The following UNC79 variants were observed in gnomAD, a reference collection of about 807,000 sequenced individuals.
UNC79 encodes unc-79 subunit of NALCN channel complex, also known as protein unc-79 homolog.
UNC79 carries 37 observed loss-of-function variants against 283.1 expected under a neutral mutation model. The observed-to-expected ratio is 0.13, with a 90% CI of 0.10 to 0.17. The LOEUF (loss-of-function observed/expected upper bound fraction) is 0.17, where lower values mean the gene tolerates loss of function less well. UNC79 is among the 10% of genes least tolerant of loss of function. The pLI, the probability that UNC79 is intolerant of heterozygous loss-of-function variation, is 1.00. For missense variants in UNC79, 2,272 were observed against 3,211.1 expected (o/e 0.71, Z 7.07); for synonymous variants, 1,107 against 1,200.2 (o/e 0.92, Z 1.61).
intron 35 of UNC79, among the ~76,000 whole-genome samples, chr14:93,652,878 G>T (rs2070440962): frequency 6.6e-6 from 1 of 151,918 alleles, no homozygotes; most frequent in East Asian, 1.9e-4. Flanking sequence ...GGGCTATGCT[G>T]CCTGCATCAA....
intron 9 of UNC79, 149 bp downstream of exon 9, chr14:93,528,795 G>A: frequency 1.3e-6 from 1 of 748,572 alleles, no homozygotes; most frequent in Non-Finnish European, 2.1e-6. Context: ...TTAACATATA[G>A]CAAACTTTCA....
intron 1 of UNC79, among the ~76,000 whole-genome samples, chr14:93,467,052 G>A (rs537362137): frequency 6.6e-6 from 1 of 152,200 alleles, no homozygotes; most frequent in Admixed American, 6.5e-5. Context: ...TTTTATTAGT[G>A]CACAATCATT....
At chr14:93,506,697 G>A (rs2059560958) in intron 7 of UNC79, among the ~76,000 whole-genome samples, 1 of 152,058 alleles carries the variant, frequency 6.6e-6, no homozygotes, top group Non-Finnish European at 1.5e-5. Flanking sequence ...GTGGCTTGAT[G>A]TATTTTGTCA....
intron 14 of UNC79, among the ~76,000 whole-genome samples, chr14:93,543,531 T>C (rs1443692365): frequency 6.6e-6 from 1 of 152,018 alleles, no homozygotes; most frequent in Non-Finnish European, 1.5e-5. Flanking sequence ...ATCCATCTAA[T>C]TAAAAAAATT....
chr14:93,672,207 A>C (rs549109173), intron 40 of UNC79, among the ~76,000 whole-genome samples: 143 of 152,356 alleles, frequency 9.4e-4, no homozygotes, highest in African/African-American at 3.4e-3. Flanking sequence ...AAAAGAAATC[A>C]GTATATCAAA....
chr14:93,594,994 T>C (rs1175657066), intron 23 of UNC79, among the ~76,000 whole-genome samples: 1 of 152,114 alleles, frequency 6.6e-6, no homozygotes, highest in African/African-American at 2.4e-5. Context: ...TTAGTATATA[T>C]ATATGACAGC....
chr14:93,680,019 AC>A (rs1566913047), intron 41 of UNC79, among the ~76,000 whole-genome samples: 1 of 152,240 alleles, frequency 6.6e-6, no homozygotes, highest in African/African-American at 2.4e-5. Context: ...ATGCTGGATG[AC>A]AATGCATGGA....
chr14:93,448,562 C>A (rs188048377), intron 1 of UNC79, among the ~76,000 whole-genome samples: 1 of 152,074 alleles, frequency 6.6e-6, no homozygotes, highest in Non-Finnish European at 1.5e-5. Flanking sequence ...CTTGGTTCTT[C>A]TTATGTTGGG....
At chr14:93,608,787 T>G (rs1196290676) in intron 26 of UNC79, among the ~76,000 whole-genome samples, 1 of 152,234 alleles carries the variant, frequency 6.6e-6, no homozygotes, top group Non-Finnish European at 1.5e-5. Flanking sequence ...CTTTGGGACT[T>G]TATCAATTTT....
At chr14:93,649,798 T>C (rs959113119) in intron 35 of UNC79, among the ~76,000 whole-genome samples, 1 of 152,232 alleles carries the variant, frequency 6.6e-6, no homozygotes. Flanking sequence ...ATACTCACCA[T>C]ATTGTACATT....
intron 23 of UNC79, among the ~76,000 whole-genome samples, chr14:93,595,503 G>C (rs1281463781): frequency 6.6e-6 from 1 of 152,222 alleles, no homozygotes; most frequent in African/African-American, 2.4e-5. Context: ...GCAACTGCAG[G>C]CAGCCTCATT....
At chr14:93,486,515 G>A (rs953769429) in intron 4 of UNC79, among the ~76,000 whole-genome samples, 3 of 152,096 alleles carry the variant, frequency 2.0e-5, no homozygotes, top group South Asian at 2.1e-4. Context: ...TTAGCCGGGT[G>A]TGGGGGCAGG....
At chr14:93,647,774 C>T (rs1355629527) in intron 35 of UNC79, among the ~76,000 whole-genome samples, 1 of 152,108 alleles carries the variant, frequency 6.6e-6, no homozygotes, top group Non-Finnish European at 1.5e-5. Flanking sequence ...AATGACATGC[C>T]TAAGACTGGG....
intron 40 of UNC79, among the ~76,000 whole-genome samples, chr14:93,670,913 A>T (rs1346108940): frequency 6.6e-6 from 1 of 152,242 alleles, no homozygotes; most frequent in Non-Finnish European, 1.5e-5. Context: ...ATCAAAGACC[A>T]AATATATATT....
Position 93,467,664 on chromosome 14 carries a change from T to TTTTTTTTTTTTTTTTTTTTTTAAA in UNC79, c.23-7_23-6insTTTTTTTTTTTTTTTTTTTTTAAA. On this transcript the variant is annotated splice_region_variant and splice_polypyrimidine_tract_variant and intron_variant, in intron 1 of 48. Transcript: ENST00000555664. The stretch of plus-strand genomic sequence containing the variant: ...TTTTTTTTTTTTTTTTTTTTGCTTT[T>TTTTTTTTTTTTTTTTTTTTTTAAA]ATCTAGTTGCTTCCAAGATCCGGTA... 1 of 1,224,142 alleles carries TTTTTTTTTTTTTTTTTTTTTTAAA rather than the reference T, an allele frequency of 8.2e-7. No individual in the cohort carries two copies. Among genetic ancestry groups the TTTTTTTTTTTTTTTTTTTTTTAAA allele is most frequent in the Non-Finnish European group, 1.0e-6 (1 of 979,754 alleles). The allele number at this position is 1,224,142 out of a possible 1,614,324, so 75.8% of individuals were successfully genotyped here. A position where few individuals can be genotyped will look rare whatever the true frequency, so the allele number is the denominator to read the frequency against.
intron 1 of UNC79, among the ~76,000 whole-genome samples, chr14:93,344,092 T>A (rs1364101767): frequency 6.6e-6 from 1 of 152,166 alleles, no homozygotes; most frequent in Non-Finnish European, 1.5e-5. Flanking sequence ...CTGTCGAAAG[T>A]GTTTTAAGGC....
rs141532673 is a variant in UNC79 at position 93,660,065 on chromosome 14, C to A, written c.6525+804C>A. On this transcript the variant is annotated intron_variant, in intron 39 of 48. Coordinates refer to ENST00000555664, the Ensembl canonical transcript of UNC79. Reference sequence around the variant, plus strand: ...AAGAAGTTCTGCACCGTGTCTCATTCACTTTTGTATTCCAAGCTGTATTTC... The same window carrying A: ...AAGAAGTTCTGCACCGTGTCTCATTAACTTTTGTATTCCAAGCTGTATTTC... 5.3e-5 allele frequency among the ~76,000 whole-genome samples: 8 copies of A among 152,318 alleles called. No homozygotes were observed. In the East Asian group the frequency reaches 1.3e-3, roughly 26 times the overall value.
At chr14:93,511,301 T>A (rs2059812761) in intron 7 of UNC79, among the ~76,000 whole-genome samples, 1 of 152,202 alleles carries the variant, frequency 6.6e-6, no homozygotes, top group African/African-American at 2.4e-5. Flanking sequence ...ATGGTTGCTT[T>A]GTTCCTAACT....
rs752057562 is a variant in UNC79, at chr14:93,641,080, C to T, written c.5801-65C>T. On this transcript the variant is annotated intron_variant, in intron 32 of 48. Coordinates refer to ENST00000555664, the Ensembl canonical transcript of UNC79. ...TTTGGAGGGTTTCTAAGAGGAGAAC[C>T]AGGCCTTTCTTGGCCCCTTGAAGCT... The T allele has an allele frequency of 4.3e-6, 6 of 1,390,610 alleles. No individual in the cohort carries two copies. The Admixed American group carries it at 7.7e-5, about 18-fold the overall frequency. The allele number at this position is 1,390,610 out of a possible 1,614,324, so 86.1% of individuals were successfully genotyped here.
Sources: allele counts gnomAD v4.1 joint callset (sites outside exome capture counted in the v4.1 genomes callset), GRCh38; gene constraint gnomAD v4.1.1; transcripts MANE v1.5; gene names NCBI Gene and HGNC (gene_info 2026-07-23, HGNC 2026-07-21).